Variants in SMARCB1 observed in about 807,000 individuals in gnomAD.
SMARCB1 encodes the protein SWI/SNF-related matrix-associated actin-dependent regulator of chromatin subfamily B member 1.
SMARCB1 carries 5 observed loss-of-function variants against 49.0 expected under a neutral mutation model. The ratio of observed to expected loss-of-function variants is 0.10; its 90% confidence interval spans 0.05 to 0.21. SMARCB1 has a LOEUF of 0.21. SMARCB1 is among the 10% of genes least tolerant of loss of function. SMARCB1 has a pLI of 1.00. For missense variants in SMARCB1, 226 were observed against 509.2 expected, an observed-to-expected ratio of 0.44 and a Z score of 5.35; for synonymous variants, 201 against 200.1, an observed-to-expected ratio of 1.00 and a Z score of -0.04.
chr22:23,791,679 A>G (rs981834864), intron 1 of SMARCB1, 77 bp from the exon 2 acceptor site: 16 of 1,434,666 alleles, frequency 1.1e-5, no homozygotes, highest in Non-Finnish European at 1.6e-5. Flanking sequence ...CTGTTGCTTG[A>G]TGCAGTCTGC....
At chr22:23,827,556 C>A (rs1048314043) in intron 7 of SMARCB1, among the ~76,000 whole-genome samples, 8 of 152,182 alleles carry the variant, frequency 5.3e-5, no homozygotes, top group Admixed American at 6.5e-5. Context: ...GCATCACAGA[C>A]CCCCTGCCCC....
intron 5 of SMARCB1, chr22:23,815,887 T>G (rs1930165593): frequency 6.6e-6 from 1 of 152,240 alleles, no homozygotes; most frequent in Non-Finnish European, 1.5e-5. Flanking sequence ...ACTTAAAAAT[T>G]TTAAAATGCT....
At chr22:23,797,318 AT>A (rs1568939498) in intron 3 of SMARCB1, among the ~76,000 whole-genome samples, 1 of 94,574 alleles carries the variant, frequency 1.1e-5, no homozygotes. Context: ...TATTATTATT[AT>A]TTTTTTTGAG....
chr22:23,818,374 C>G (rs1184300230), intron 6 of SMARCB1: 1 of 151,534 alleles, frequency 6.6e-6, no homozygotes, highest in African/African-American at 2.4e-5. Context: ...CCAGGATGGT[C>G]TCGATCTCTG....
chr22:23,824,920 C>T (rs2030295755), intron 6 of SMARCB1: 2 of 492,906 alleles, frequency 4.1e-6, no homozygotes, highest in Non-Finnish European at 7.4e-6. Context: ...AGGAAGGTCC[C>T]CACCAGCACA....
At position 23,825,236 on chromosome 22, in the gene SMARCB1, T is replaced by C. The variant is rs1185957677; in HGVS notation, c.807T>C (p.His269=). ...DQRVIIKLNI[H]VGNISLVDQF... ...GGTTGTTGCCTCAGCTGAACATCCA[T>C]GTGGGAAACATTTCCCTGGTGGACC... Residue 269 remains histidine, a synonymous_variant, in exon 7 of 9, where the codon CAT becomes CAC. Transcript: ENST00000644036. 1 of 1,613,976 alleles carries C rather than the reference T, an allele frequency of 6.2e-7. No individual in the cohort carries two copies. Among genetic ancestry groups the C allele is most frequent in the South Asian group, 1.1e-5 (1 of 91,082 alleles).
intron 7 of SMARCB1, among the ~76,000 whole-genome samples, chr22:23,829,607 T>C (rs917548968): frequency 5.3e-5 from 8 of 152,214 alleles, no homozygotes; most frequent in African/African-American, 1.9e-4. Flanking sequence ...AGCCTCAGGT[T>C]CCTTCCGAAG....
chr22:23,820,980 C>T (rs2030055085), intron 6 of SMARCB1, among the ~76,000 whole-genome samples: 1 of 152,224 alleles, frequency 6.6e-6, no homozygotes, highest in Admixed American at 6.5e-5. Flanking sequence ...CTGGTAGCTT[C>T]CCTTAACGTT....
chr22:23,825,584 C>T, intron 7 of SMARCB1, 169 bp downstream of exon 7: 1 of 626,006 alleles, frequency 1.6e-6, no homozygotes, highest in Non-Finnish European at 2.8e-6. Context: ...TGTATCTCTC[C>T]AGGGCTCCGC....
intron 5 of SMARCB1, chr22:23,804,455 TC>T (rs1568943956): frequency 6.6e-6 from 1 of 152,238 alleles, no homozygotes; most frequent in African/African-American, 2.4e-5. Context: ...TTCTGTCAAT[TC>T]CACATGCAAA....
intron 7 of SMARCB1, among the ~76,000 whole-genome samples, chr22:23,833,119 C>T (rs562845817): frequency 6.6e-5 from 10 of 152,296 alleles, no homozygotes; most frequent in African/African-American, 2.4e-4. Flanking sequence ...TGGGAGACTC[C>T]TTTGCTCCCA....
At chr22:23,822,129 A>G (rs9612469) in intron 6 of SMARCB1, among the ~76,000 whole-genome samples, 18,842 of 152,288 alleles carry the variant, frequency 0.12, 1,258 homozygotes, top group South Asian at 0.27. Flanking sequence ...GCCTTAGGTT[A>G]GAGCAGCATC....
At chr22:23,787,880 A>G (rs1388935973) in intron 1 of SMARCB1, among the ~76,000 whole-genome samples, 6 of 152,192 alleles carry the variant, frequency 3.9e-5, no homozygotes, top group South Asian at 4.1e-4. Flanking sequence ...GACACTTTCC[A>G]TATCTGTGAA....
At chr22:23,809,640 T>C (rs963591873) in intron 5 of SMARCB1, among the ~76,000 whole-genome samples, 2 of 151,460 alleles carry the variant, frequency 1.3e-5, no homozygotes, top group South Asian at 2.1e-4. Flanking sequence ...CTCGATCTCC[T>C]GACCTCGTGT....
intron 7 of SMARCB1, chr22:23,826,148 A>G (rs8140489): frequency 0.23 from 34,511 of 151,832 alleles, 5,682 homozygotes; most frequent in African/African-American, 0.47. Flanking sequence ...GCCCAGTGCG[A>G]TGGCTCACAC....
chr22:23,825,701 C>A, intron 7 of SMARCB1: 1 of 487,306 alleles, frequency 2.1e-6, no homozygotes. Flanking sequence ...GGCCTGCCCC[C>A]ACCATCCACC....
At chr22:23,813,144 C>T (rs1418081734) in intron 5 of SMARCB1, among the ~76,000 whole-genome samples, 2 of 152,188 alleles carry the variant, frequency 1.3e-5, no homozygotes, top group East Asian at 3.8e-4. Context: ...GGATTACAGG[C>T]GTGAGCCACA....
chr22:23,809,353 C>G (rs1232687730), intron 5 of SMARCB1, among the ~76,000 whole-genome samples: 1 of 151,300 alleles, frequency 6.6e-6, no homozygotes, highest in Non-Finnish European at 1.5e-5. Flanking sequence ...CTCAGCTCAC[C>G]ACAACCTCTA....
intron 5 of SMARCB1, among the ~76,000 whole-genome samples, chr22:23,808,413 G>A (rs903766462): frequency 8.5e-5 from 13 of 152,052 alleles, no homozygotes; most frequent in South Asian, 2.1e-4. Context: ...GAGCCACGGC[G>A]CCTGGCCAAT....
Sources: allele counts gnomAD v4.1 joint callset (sites outside exome capture counted in the v4.1 genomes callset), GRCh38; gene constraint gnomAD v4.1.1; transcripts MANE v1.5; gene names NCBI Gene and HGNC (gene_info 2026-07-23, HGNC 2026-07-21).